TBC1D1: variants seen among roughly 807,000 people sequenced by gnomAD.
TBC1D1 encodes TBC1 domain family member 1.
Under a neutral mutation model 125.6 loss-of-function variants are expected in TBC1D1, and 89 were observed. That is an observed-to-expected ratio of 0.71 (90% CI 0.60 to 0.85). TBC1D1 has a LOEUF of 0.85. Ranked by LOEUF, TBC1D1 falls within the 40% of genes least tolerant of loss-of-function variation. The pLI is 0.00. For missense variants in TBC1D1, 1,377 were observed against 1,469.2 expected (o/e 0.94, Z 1.03); for synonymous variants, 565 against 564.1 (o/e 1.00, Z -0.02).
chr4:37,930,193 TA>T (rs1722981023), intron 2 of TBC1D1, among the ~76,000 whole-genome samples: 1 of 152,180 alleles, frequency 6.6e-6, no homozygotes, highest in African/African-American at 2.4e-5. Flanking sequence ...CAGTTATGTG[TA>T]AAAACACGAG....
intron 7 of TBC1D1, among the ~76,000 whole-genome samples, chr4:38,034,903 A>C (rs1185264305): frequency 1.3e-5 from 2 of 151,802 alleles, no homozygotes; most frequent in Non-Finnish European, 2.9e-5. Context: ...AGGAGACCAT[A>C]GAGTTTCCTC....
At chr4:37,990,887 A>G (rs988064170) in intron 2 of TBC1D1, among the ~76,000 whole-genome samples, 4 of 152,240 alleles carry the variant, frequency 2.6e-5, no homozygotes, top group Non-Finnish European at 5.9e-5. Flanking sequence ...TTGTTTTGCA[A>G]TAACTACACT....
chr4:38,025,965 G>A (rs1322392764), intron 6 of TBC1D1, among the ~76,000 whole-genome samples: 1 of 152,156 alleles, frequency 6.6e-6, no homozygotes, highest in Non-Finnish European at 1.5e-5. Context: ...TGCTAGTCAG[G>A]GAGGGCAGTG....
At position 37,995,591 on chromosome 4, in the gene TBC1D1, C is replaced by A; in HGVS notation, c.418-18918C>A. On this transcript the variant is annotated intron_variant, in intron 2 of 19. Coordinates refer to ENST00000261439, the MANE Select transcript of TBC1D1 (RefSeq NM_015173.4). This position sits in a 1 kb window ranked among gnomAD's most constrained non-coding sequence, Gnocchi z 4.3. ...AGCTCAGCACAGAAGGCCTTCAGGT[C>A]CAGTACCCTGGCCTTGACCTCCCCA... The A allele has an allele frequency of 2.1e-6, 1 of 465,608 alleles. No homozygotes were observed. The allele number at this position is 465,608 out of a possible 1,614,324, so 28.8% of individuals were successfully genotyped here.
Position 37,897,095 on chromosome 4 carries a change from C to A in TBC1D1, c.-93-4908C>A, listed in dbSNP as rs143701026. On this transcript the variant is annotated intron_variant, in intron 1 of 19. Coordinates refer to ENST00000261439, the MANE Select transcript of TBC1D1 (RefSeq NM_015173.4). Reference sequence around the variant, plus strand: ...GCTGAGGGTATGAAACATAAGAGTTCTCCTTGGAATATGAGGTTCTATTTG... The same window carrying A: ...GCTGAGGGTATGAAACATAAGAGTTATCCTTGGAATATGAGGTTCTATTTG... Among the ~76,000 whole-genome samples the A allele has an allele frequency of 7.8e-4, 118 of 152,226 alleles. 1 individual carries two copies. The highest frequency in any genetic ancestry group is 2.8e-3 in the African/African-American group (115 of 41,524).
chr4:38,014,826 C>T lies in TBC1D1; in HGVS notation c.735C>T (p.Ala245=), dbSNP rs576760743. ...CCCAGCCCGGCCTGCGCTCGCTGGCCTTTAGGAAGGAGCTGCAGGATGGGG... is the reference window on the plus strand; with the variant it reads ...CCCAGCCCGGCCTGCGCTCGCTGGCTTTTAGGAAGGAGCTGCAGGATGGGG... The change falls in exon 3 of 20, where the codon GCC becomes GCT. Residue 245 remains alanine, a synonymous_variant. Transcript: ENST00000261439. This position sits in a 1 kb window ranked among gnomAD's most constrained non-coding sequence, Gnocchi z 5.1. The T allele has an allele frequency of 3.7e-6, 6 of 1,611,774 alleles. No individual in the cohort carries two copies. The Admixed American group carries it at 1.0e-4, about 27-fold the overall frequency.
intron 2 of TBC1D1, among the ~76,000 whole-genome samples, chr4:37,911,595 C>A (rs2152252228): frequency 6.6e-6 from 1 of 152,246 alleles, no homozygotes; most frequent in African/African-American, 2.4e-5. Context: ...TCTGACCATG[C>A]ATTGGAAGTT....
intron 1 of TBC1D1, among the ~76,000 whole-genome samples, chr4:37,901,175 CAGAA>C (rs1715911695): frequency 6.6e-6 from 1 of 151,532 alleles, no homozygotes; most frequent in Admixed American, 6.6e-5. Context: ...TGTTTGTTTT[CAGAA>C]AGAGTCTCAC....
At chr4:37,895,881 C>T (rs775628274) in intron 1 of TBC1D1, among the ~76,000 whole-genome samples, 9 of 152,168 alleles carry the variant, frequency 5.9e-5, no homozygotes, top group Non-Finnish European at 1.3e-4. Context: ...AGGGTTGTTG[C>T]TCCCTGTGGG....
intron 2 of TBC1D1, among the ~76,000 whole-genome samples, chr4:37,978,452 A>G (rs1380056339): frequency 6.6e-6 from 1 of 152,206 alleles, no homozygotes; most frequent in Non-Finnish European, 1.5e-5. Context: ...GTGAGGCTTT[A>G]CCAATTAATA....
intron 1 of TBC1D1, among the ~76,000 whole-genome samples, chr4:37,901,768 A>C (rs990845780): frequency 1.7e-5 from 1 of 59,498 alleles, no homozygotes; most frequent in Non-Finnish European, 3.9e-5. Context: ...TTTGTGTTTC[A>C]TAGTAGTTTC....
chr4:38,034,962 T>G (rs1442348011), intron 7 of TBC1D1, among the ~76,000 whole-genome samples: 1 of 152,218 alleles, frequency 6.6e-6, no homozygotes, highest in Non-Finnish European at 1.5e-5. Context: ...ATTAAGGGGC[T>G]TGGCTTCACA....
chr4:37,989,427 G>A (rs1317539766), intron 2 of TBC1D1, among the ~76,000 whole-genome samples: 1 of 152,130 alleles, frequency 6.6e-6, no homozygotes, highest in African/African-American at 2.4e-5. Context: ...ATTGATTGAT[G>A]TCTTATGTCT....
chr4:38,090,018 A>G lies in TBC1D1; in HGVS notation c.2137A>G (p.Lys713Glu). 1.9e-6 allele frequency: 3 copies of G among 1,614,166 alleles called. No homozygotes were observed. Among genetic ancestry groups the G allele is most frequent in the Non-Finnish European group, 2.5e-6 (3 of 1,180,014 alleles). ...GCCCTTTGGCCCCCCACCAGAGGAA[A>G]AGAAAAGGACATCTCGTGAGCTCCG... The change falls in exon 13 of 20, where the codon AAG becomes GAG. Residue 713 changes from lysine (K) to glutamate (E), a missense_variant. Physicochemically the swap from Lys to Glu is moderately conservative, Grantham distance 56. Coordinates refer to ENST00000261439, the MANE Select transcript of TBC1D1 (RefSeq NM_015173.4).
intron 2 of TBC1D1, chr4:37,960,391 C>T (rs371692813): frequency 1.1e-5 from 16 of 1,511,238 alleles, no homozygotes; most frequent in East Asian, 4.5e-5. Context: ...AGTGGGACCA[C>T]GGTCTTAGAT....
chr4:38,129,189 A>G (rs1028038438), intron 18 of TBC1D1, among the ~76,000 whole-genome samples: 1 of 152,200 alleles, frequency 6.6e-6, no homozygotes, highest in Admixed American at 6.5e-5. Context: ...TAGAAACACA[A>G]TGAACAAAGG....
In TBC1D1 at chr4:38,090,066, C is replaced by T. The variant is rs1456402025; in HGVS notation, c.2185C>T (p.Leu729Phe). Residue 729 changes from leucine (L) to phenylalanine (F), a missense_variant, in exon 13 of 20, where the codon CTT becomes TTT. Around this residue, in one of 3 missense-constraint regions of TBC1D1, gnomAD observed 543 missense variants for 613.5 expected, o/e 0.89. Transcript: ENST00000261439. ...CCGAGAGCTGTGGCAAAAGGCTATT[C>T]TTCAACAGATACTGCTGCTTAGAAT... 1 of 1,614,020 alleles carries T rather than the reference C, an allele frequency of 6.2e-7. No homozygotes were observed. Among genetic ancestry groups the T allele is most frequent in the Non-Finnish European group, 8.5e-7 (1 of 1,179,970 alleles).
intron 2 of TBC1D1, among the ~76,000 whole-genome samples, chr4:37,911,367 C>T (rs1165253587): frequency 6.6e-6 from 1 of 152,148 alleles, no homozygotes; most frequent in African/African-American, 2.4e-5. Flanking sequence ...TCATTGTGGT[C>T]TGTCAGCTTC....
intron 2 of TBC1D1, among the ~76,000 whole-genome samples, chr4:37,997,457 T>G (rs1159489191): frequency 6.6e-6 from 1 of 152,258 alleles, no homozygotes; most frequent in Non-Finnish European, 1.5e-5. Context: ...GAGTTTATCC[T>G]AAGATGAAGA....
Sources: gnomAD v4.1 joint callset for allele counts (sites outside exome capture counted in the v4.1 genomes callset) on GRCh38, gnomAD v4.1.1 for gene constraint, gnomAD v4.1.1 regional missense constraint, Gnocchi (gnomAD v3.1) non-coding constraint, MANE v1.5 for transcripts, NCBI Gene and HGNC (gene_info 2026-07-23, HGNC 2026-07-21) for gene names.